The following DNAH6 variants were observed in gnomAD, a reference collection of about 807,000 sequenced individuals.
DNAH6 encodes axonemal beta dynein heavy chain 6.
DNAH6 carries 340 observed loss-of-function variants against 491.4 expected under a neutral mutation model. The observed-to-expected ratio is 0.69, with a 90% CI of 0.63 to 0.76. DNAH6 has a LOEUF of 0.76. Ranked by LOEUF, DNAH6 falls within the 30% of genes least tolerant of loss-of-function variation. The pLI is 0.00. For missense variants in DNAH6, 4,443 were observed against 4,972.2 expected, an observed-to-expected ratio of 0.89 and a Z score of 3.20; for synonymous variants, 1,603 against 1,686.1, an observed-to-expected ratio of 0.95 and a Z score of 1.21.
chr2:84,710,196 T>G (rs1292924983), intron 55 of DNAH6, 91 bp from the exon 56 acceptor site: 1 of 1,464,424 alleles, frequency 6.8e-7, no homozygotes, highest in East Asian at 2.5e-5. Context: ...CTAGATTGAA[T>G]AACATTTCCA....
At chr2:84,627,095 G>A (rs1687952212) in intron 29 of DNAH6, among the ~76,000 whole-genome samples, 1 of 152,168 alleles carries the variant, frequency 6.6e-6, no homozygotes, top group Admixed American at 6.5e-5. Context: ...TGAACCAACA[G>A]CATTAGCATC....
In DNAH6 at chr2:84,785,694, A is replaced by G. The variant is rs922866521; in HGVS notation, c.11038A>G (p.Ile3680Val). 6.5e-7 allele frequency: 1 copy of G among 1,549,090 alleles called. No individual in the cohort carries two copies. Among genetic ancestry groups the G allele is most frequent in the East Asian group, 2.5e-5 (1 of 40,800 alleles). ...GACACCTTCGTTTTTTGAAGAAAAT[A>G]TACTTGGAAAAAAATGGAGACAAAT... ...EMTPSFFEEN[I>V]LGKKWRQIIF... is the part of the protein sequence containing the mutation. The change falls in exon 67 of 77, where the codon ATA becomes GTA. Residue 3680 changes from isoleucine to valine, a missense_variant. Physicochemically the swap from Ile to Val is conservative, Grantham distance 29. Transcript: ENST00000389394.
chr2:84,551,954 A>T (rs1679412909), intron 9 of DNAH6, among the ~76,000 whole-genome samples: 2 of 151,376 alleles, frequency 1.3e-5, no homozygotes, highest in Non-Finnish European at 2.9e-5. Context: ...AAGCTGAGGC[A>T]GGGGAATTGC....
chr2:84,750,394 A>C (rs1042269790), intron 63 of DNAH6, among the ~76,000 whole-genome samples: 55 of 152,188 alleles, frequency 3.6e-4, no homozygotes, highest in African/African-American at 1.3e-3. Flanking sequence ...CATGTTACCC[A>C]GGCTGGTCTT....
At chr2:84,644,293 C>T (rs1298594895) in intron 33 of DNAH6, among the ~76,000 whole-genome samples, 1 of 152,160 alleles carries the variant, frequency 6.6e-6, no homozygotes, top group Non-Finnish European at 1.5e-5. Context: ...GCAGGTTAGG[C>T]TCTGATTAAC....
intron 68 of DNAH6, among the ~76,000 whole-genome samples, chr2:84,795,915 T>C (rs143958357): frequency 2.6e-4 from 39 of 152,338 alleles, no homozygotes; most frequent in African/African-American, 8.9e-4. Flanking sequence ...CTTGATTCCA[T>C]TTTACTCATT....
At chr2:84,590,157 GT>G (rs1246701956) in intron 16 of DNAH6, among the ~76,000 whole-genome samples, 1 of 152,068 alleles carries the variant, frequency 6.6e-6, no homozygotes, top group Non-Finnish European at 1.5e-5. Context: ...AGACAGGAAG[GT>G]ATGTAGTAAG....
At chr2:84,770,823 A>AAAT (rs1044714538) in intron 64 of DNAH6, among the ~76,000 whole-genome samples, 25 of 151,688 alleles carry the variant, frequency 1.6e-4, no homozygotes, top group Non-Finnish European at 2.8e-4. Flanking sequence ...CCTCTACAAA[A>AAAT]AATAATAATA....
chr2:84,477,484 T>C, the DNAH6 span, among the ~76,000 whole-genome samples: 1 of 152,142 alleles, frequency 6.6e-6, no homozygotes, highest in Non-Finnish European at 1.5e-5. Flanking sequence ...CCCTCAAACC[T>C]GTCTGGTAAT....
chr2:84,547,552 C>T lies in DNAH6; in HGVS notation c.1126C>T (p.Arg376Ter), dbSNP rs1462557491. ...EAKYVVRRACRFALRAAGFVP... is the reference protein window; with the variant it reads ...EAKYVVRRAC ...AAAATATGTAGTCAGGAGGGCTTGTCGATTTGCTTTGCGTGCTGCAGGATT... is the reference window on the plus strand; with the variant it reads ...AAAATATGTAGTCAGGAGGGCTTGTTGATTTGCTTTGCGTGCTGCAGGATT... Residue 376 changes from arginine (R) to a stop codon, truncating the protein, a stop_gained, in exon 7 of 77, where the codon CGA (arginine) becomes TGA (stop). Coordinates refer to ENST00000389394, the MANE Select transcript of DNAH6 (RefSeq NM_001370.2). LOFTEE classifies it high-confidence loss of function. The T allele has an allele frequency of 1.2e-5, 18 of 1,551,576 alleles. No individual in the cohort carries two copies. The highest frequency in any genetic ancestry group is 1.5e-5 in the Non-Finnish European group (17 of 1,146,976).
intron 70 of DNAH6, 40 bp downstream of exon 70, chr2:84,797,698 G>C: frequency 1.3e-6 from 2 of 1,501,902 alleles, no homozygotes; most frequent in Non-Finnish European, 9.0e-7. Flanking sequence ...TTTATGTTGT[G>C]TATGTAAACT....
chr2:84,759,610 T>C (rs1186038840), intron 63 of DNAH6, among the ~76,000 whole-genome samples: 1 of 151,718 alleles, frequency 6.6e-6, no homozygotes, highest in African/African-American at 2.4e-5. Flanking sequence ...AAGAAAGAAA[T>C]TGTGAATGAC....
In DNAH6 at chr2:84,544,627, T is replaced by C. The variant is rs550506990; in HGVS notation, c.930+127T>C. On this transcript the variant is annotated intron_variant, in intron 5 of 76. Coordinates refer to ENST00000389394, the MANE Select transcript of DNAH6 (RefSeq NM_001370.2). ...TATATTCTTAAGAGAATTCCCAGTT[T>C]TCATCCTGTCTTGTCATTTAGGAGT... The C allele has an allele frequency of 4.8e-6, 3 of 622,870 alleles. No individual in the cohort carries two copies. The East Asian group carries it at 8.6e-5, about 18-fold the overall frequency. 38.6% of individuals were successfully genotyped at this position (622,870 alleles called of 1,614,324 possible).
intron 61 of DNAH6, among the ~76,000 whole-genome samples, chr2:84,731,645 C>T (rs1005708440): frequency 1.3e-5 from 2 of 152,150 alleles, no homozygotes; most frequent in Non-Finnish European, 2.9e-5. Flanking sequence ...GACTTCATTT[C>T]CAACACAGTA....
intron 56 of DNAH6, among the ~76,000 whole-genome samples, chr2:84,712,447 T>C (rs1347065567): frequency 6.6e-6 from 1 of 152,184 alleles, no homozygotes; most frequent in Non-Finnish European, 1.5e-5. Flanking sequence ...CATGCCCACG[T>C]TCCTACCAAC....
At chr2:84,751,994 C>T (rs1394628811) in intron 63 of DNAH6, among the ~76,000 whole-genome samples, 1 of 152,218 alleles carries the variant, frequency 6.6e-6, no homozygotes, top group African/African-American at 2.4e-5. Context: ...GGTCATACAT[C>T]GTTCCCTGAA....
chr2:84,503,815 G>T, the DNAH6 span, among the ~76,000 whole-genome samples: 1 of 151,386 alleles, frequency 6.6e-6, no homozygotes, highest in Non-Finnish European at 1.5e-5. Flanking sequence ...TACTGTTGTT[G>T]CTTTTAGGAT....
In DNAH6 at chr2:84,681,454, G is replaced by A. The variant is rs1337993152; in HGVS notation, c.6842G>A (p.Ser2281Asn). 2 of 1,551,354 alleles carry A rather than the reference G, an allele frequency of 1.3e-6. No homozygotes were observed. The highest frequency in any genetic ancestry group is 3.9e-5 in the Admixed American group (2 of 50,952). Residue 2281 changes from serine to asparagine, a missense_variant, in exon 42 of 77, where the codon AGT (serine) becomes AAT (asparagine). Ser to Asn is a conservative substitution (Grantham distance 46, BLOSUM62 1). Around this residue, in one of 3 missense-constraint regions of DNAH6, gnomAD observed 2,977 missense variants for 3,296.6 expected, o/e 0.90. Coordinates refer to ENST00000389394, the MANE Select transcript of DNAH6 (RefSeq NM_001370.2). ...EASVEIYNKMSVDLLPTPAKS... is the reference protein window; with the variant it reads ...EASVEIYNKMNVDLLPTPAKS... The stretch of plus-strand genomic sequence containing the variant: ...TCAGTTGAGATTTATAACAAAATGA[G>A]TGTTGACCTCCTGCCAACACCCGCC...
intron 11 of DNAH6, among the ~76,000 whole-genome samples, chr2:84,560,703 T>C: frequency 6.6e-6 from 1 of 152,038 alleles, no homozygotes; most frequent in African/African-American, 2.4e-5. Flanking sequence ...AGTGAGAACA[T>C]GTGGTGTTTG....
Sources: gnomAD v4.1 joint callset for allele counts (sites outside exome capture counted in the v4.1 genomes callset) on GRCh38, gnomAD v4.1.1 for gene constraint, gnomAD v4.1.1 regional missense constraint, MANE v1.5 for transcripts, NCBI Gene and HGNC (gene_info 2026-07-23, HGNC 2026-07-21) for gene names.